Variants in ZBTB38 observed in about 807,000 individuals in gnomAD.
The protein encoded by ZBTB38 is zinc finger and BTB domain containing 38.
Under a neutral mutation model 76.8 loss-of-function variants are expected in ZBTB38, and 20 were observed. The ratio of observed to expected loss-of-function variants is 0.26; its 90% confidence interval spans 0.18 to 0.38. The LOEUF (loss-of-function observed/expected upper bound fraction) is 0.38, where lower values mean the gene tolerates loss of function less well. ZBTB38 is among the 10% of genes least tolerant of loss of function. The pLI is 1.00. For synonymous variants in ZBTB38, 504 were observed against 544.2 expected (o/e 0.93, Z 1.03); for missense variants, 1,082 against 1,482.3 (o/e 0.73, Z 4.43).
chr3:141,389,913 G>C (rs1393142298), intron 4 of ZBTB38: 1 of 152,164 alleles, frequency 6.6e-6, no homozygotes, highest in Non-Finnish European at 1.5e-5. Flanking sequence ...GCGTCATCTT[G>C]TAGATTTTCA....
intron 1 of ZBTB38, among the ~76,000 whole-genome samples, chr3:141,360,310 A>G (rs527923128): frequency 2.4e-4 from 37 of 152,346 alleles, no homozygotes; most frequent in African/African-American, 8.7e-4. Context: ...CAAAGTCAAA[A>G]GAATCCCCTG....
At chr3:141,380,747 C>G (rs1247536304) in intron 2 of ZBTB38, among the ~76,000 whole-genome samples, 1 of 152,134 alleles carries the variant, frequency 6.6e-6, no homozygotes, top group African/African-American at 2.4e-5. Context: ...TAAAGACTCA[C>G]TGAGGTTTGT....
intron 1 of ZBTB38, among the ~76,000 whole-genome samples, chr3:141,349,529 A>G (rs1943459843): frequency 6.6e-6 from 1 of 152,206 alleles, no homozygotes; most frequent in African/African-American, 2.4e-5. Context: ...TGAATTAAAG[A>G]CAACTGAGGA....
At chr3:141,411,698 G>C (rs1262776455) in intron 5 of ZBTB38, among the ~76,000 whole-genome samples, 1 of 151,932 alleles carries the variant, frequency 6.6e-6, no homozygotes, top group Non-Finnish European at 1.5e-5. Flanking sequence ...GCTAACTAGG[G>C]AAAGAAAAAA....
chr3:141,328,299 A>T (rs1942736493), intron 1 of ZBTB38, among the ~76,000 whole-genome samples: 1 of 152,140 alleles, frequency 6.6e-6, no homozygotes, highest in Admixed American at 6.5e-5. Flanking sequence ...TGACTCTCAG[A>T]TCTAGAGATA....
At chr3:141,335,768 TC>T (rs1187650814) in intron 1 of ZBTB38, among the ~76,000 whole-genome samples, 1 of 152,256 alleles carries the variant, frequency 6.6e-6, no homozygotes. Flanking sequence ...GCATGCTGTT[TC>T]ATCACAATAG....
intron 1 of ZBTB38, among the ~76,000 whole-genome samples, chr3:141,346,864 G>A (rs1015580478): frequency 7.3e-5 from 11 of 150,180 alleles, no homozygotes; most frequent in African/African-American, 1.2e-4. Flanking sequence ...CTTTCTTCAC[G>A]TACCTGTACA....
chr3:141,342,223 G>C (rs1236680426), intron 1 of ZBTB38, among the ~76,000 whole-genome samples: 1 of 151,960 alleles, frequency 6.6e-6, no homozygotes, highest in Non-Finnish European at 1.5e-5. Flanking sequence ...TACTCAGGAG[G>C]CTGAGGCAGG....
At chr3:141,419,776 C>G (rs933555717) in intron 5 of ZBTB38, among the ~76,000 whole-genome samples, 2 of 152,110 alleles carry the variant, frequency 1.3e-5, no homozygotes, top group Admixed American at 6.5e-5. Flanking sequence ...CATCTGAGGT[C>G]GGGAGTTTGA....
In ZBTB38 at chr3:141,448,513, A is replaced by C. The variant is rs773272926; in HGVS notation, c.*2537A>C. 7.2e-5 allele frequency: 11 copies of C among 152,634 alleles called. No individual in the cohort carries two copies. Among genetic ancestry groups the C allele is most frequent in the Non-Finnish European group, 4.4e-5 (3 of 68,022 alleles). 9.5% of individuals were successfully genotyped at this position (152,634 alleles called of 1,614,324 possible). On this transcript the variant is annotated 3_prime_UTR_variant, in exon 6 of 6. Transcript: ENST00000321464. ...ATTGAGTACATGACCAACTAGAATT[A>C]AAGTAAGTGTAAACAGTGAACATAC...
chr3:141,343,501 G>A (rs1366462131), intron 1 of ZBTB38, among the ~76,000 whole-genome samples: 1 of 152,088 alleles, frequency 6.6e-6, no homozygotes. Context: ...CAGGTAGAAT[G>A]TTTCTCCCAC....
intron 4 of ZBTB38, among the ~76,000 whole-genome samples, chr3:141,392,414 C>T (rs1576955312): frequency 1.3e-5 from 2 of 152,198 alleles, no homozygotes; most frequent in East Asian, 3.8e-4. Context: ...AACTGCAGTC[C>T]AGGTTCCCAC....
At chr3:141,396,225 A>T (rs1950329582) in intron 4 of ZBTB38, 1 of 152,242 alleles carries the variant, frequency 6.6e-6, no homozygotes, top group Non-Finnish European at 1.5e-5. Flanking sequence ...AAATTTATGT[A>T]ATATCATATA....
chr3:141,429,963 A>C (rs1476638411), intron 5 of ZBTB38, among the ~76,000 whole-genome samples: 1 of 152,216 alleles, frequency 6.6e-6, no homozygotes, highest in African/African-American at 2.4e-5. Context: ...GGCACTGGGA[A>C]GGGTCTGATT....
chr3:141,334,392 C>T (rs922449922), intron 1 of ZBTB38, among the ~76,000 whole-genome samples: 4 of 142,592 alleles, frequency 2.8e-5, no homozygotes, highest in Non-Finnish European at 4.6e-5. Context: ...ATTTTTCCTT[C>T]CTTCCTTCCT....
chr3:141,400,985 A>C (rs962833519), intron 4 of ZBTB38, among the ~76,000 whole-genome samples: 1 of 152,176 alleles, frequency 6.6e-6, no homozygotes, highest in African/African-American at 2.4e-5. Flanking sequence ...AGCACTTCCC[A>C]ACCCTGGTTC....
intron 2 of ZBTB38, among the ~76,000 whole-genome samples, chr3:141,375,107 C>T (rs1945178586): frequency 6.6e-6 from 1 of 152,166 alleles, no homozygotes; most frequent in African/African-American, 2.4e-5. Flanking sequence ...AATTAGGAAA[C>T]TCTGAGCTAG....
chr3:141,415,799 G>A (rs530432250), intron 5 of ZBTB38, among the ~76,000 whole-genome samples: 1 of 152,158 alleles, frequency 6.6e-6, no homozygotes, highest in Admixed American at 6.5e-5. Context: ...GTTGTCCCCT[G>A]GTTGTGACTT....
At position 141,444,199 on chromosome 3, in the gene ZBTB38, T is replaced by C; in HGVS notation, c.1811T>C (p.Val604Ala). Residue 604 changes from valine (V) to alanine (A), a missense_variant, in exon 6 of 6, where the codon GTT becomes GCT. Physicochemically the swap from Val to Ala is moderately conservative, Grantham distance 64 (BLOSUM62 0). Transcript: ENST00000321464. The surrounding 1 kb of genome is among the most constrained non-coding windows in gnomAD (Gnocchi z 5.1). ...QMNESAPGTY[V>A]VQNPHSSELP... ...AATGAGTCTGCACCTGGTACCTATG[T>C]TGTTCAGAATCCACACAGCTCTGAA... 1.2e-6 allele frequency: 2 copies of C among 1,614,166 alleles called. No homozygotes were observed. Among genetic ancestry groups the C allele is most frequent in the Non-Finnish European group, 1.7e-6 (2 of 1,180,028 alleles).
Sources: gnomAD v4.1 joint callset for allele counts (sites outside exome capture counted in the v4.1 genomes callset) on GRCh38, gnomAD v4.1.1 for gene constraint, Gnocchi (gnomAD v3.1) non-coding constraint, MANE v1.5 for transcripts, NCBI Gene and HGNC (gene_info 2026-07-23, HGNC 2026-07-21) for gene names.